The following HP1BP3 variants were observed in gnomAD, a reference collection of about 807,000 sequenced individuals.
HP1BP3 encodes heterochromatin protein 1-binding protein 3.
HP1BP3 carries 12 observed loss-of-function variants against 62.5 expected under a neutral mutation model. The ratio of observed to expected loss-of-function variants is 0.19; its 90% CI spans 0.12 to 0.31. HP1BP3 has a LOEUF of 0.31. HP1BP3 is among the 10% of genes least tolerant of loss of function. The probability of loss-of-function intolerance (pLI) is 1.00; values close to 1 mark genes in which losing one functional copy is unlikely to be tolerated. For missense variants in HP1BP3, 502 were observed against 651.8 expected (o/e 0.77, Z 2.50); for synonymous variants, 260 against 237.8 (o/e 1.09, Z -0.86).
Position 20,763,292 on chromosome 1 carries a change from G to A in HP1BP3, c.890+2085C>T, listed in dbSNP as rs973114161. ...TCCATCTTTAAATGCATCATATAAC[G>A]CATTTTTGATCCACAATTGTGTCTG... On this transcript the variant is annotated intron_variant, in intron 8 of 12. Coordinates refer to ENST00000438032, the MANE Select transcript of HP1BP3 (RefSeq NM_001372052.1). Among the ~76,000 whole-genome samples the A allele has an allele frequency of 7.2e-5, 11 of 152,124 alleles. No individual in the cohort carries two copies. In the East Asian group the frequency reaches 1.2e-3, roughly 16 times the overall value.
intron 8 of HP1BP3, among the ~76,000 whole-genome samples, chr1:20,763,626 C>A (rs1045715196): frequency 3.9e-5 from 6 of 152,216 alleles, no homozygotes; most frequent in Non-Finnish European, 7.3e-5. Context: ...AGTCATCTCA[C>A]ACAAACACTC....
At chr1:20,779,684 A>C in intron 3 of HP1BP3, 128 bp downstream of exon 3, 1 of 577,444 alleles carries the variant, frequency 1.7e-6, no homozygotes, top group South Asian at 2.2e-5. Context: ...GATTCTCTCT[A>C]AATGTTTCCC....
intron 6 of HP1BP3, 24 bp from the exon 7 acceptor site, chr1:20,767,688 T>C (rs754380626): frequency 1.4e-6 from 2 of 1,474,860 alleles, no homozygotes; most frequent in Non-Finnish European, 1.9e-6. Flanking sequence ...ATTTTTGTTA[T>C]TCTAGTATTC....
chr1:20,780,663 T>C lies in HP1BP3; in HGVS notation c.-100-123A>G, dbSNP rs184810339. 202 of 556,358 alleles carry C rather than the reference T, an allele frequency of 3.6e-4. 2 individuals are homozygous for C. In the East Asian group the frequency reaches 3.8e-3, roughly 10 times the overall value. 34.5% of individuals were successfully genotyped at this position (556,358 alleles called of 1,614,324 possible). A position where few individuals can be genotyped will look rare whatever the true frequency, so the allele number is the denominator to read the frequency against. On this transcript the variant is annotated intron_variant, in intron 1 of 12. Coordinates refer to ENST00000438032, the MANE Select transcript of HP1BP3 (RefSeq NM_001372052.1). ...ATAAAATTTATAGGTAAGTGACAGA[T>C]GATTTGGTTACTCAGAAAGATAAAA...
intron 1 of HP1BP3, among the ~76,000 whole-genome samples, chr1:20,783,327 T>G (rs931986998): frequency 6.6e-6 from 1 of 152,230 alleles, no homozygotes; most frequent in South Asian, 2.1e-4. Flanking sequence ...GAGACCAGCC[T>G]GGCCAACATG....
At chr1:20,761,599 G>A (rs1307445063) in intron 8 of HP1BP3, among the ~76,000 whole-genome samples, 4 of 152,110 alleles carry the variant, frequency 2.6e-5, no homozygotes, top group African/African-American at 7.2e-5. Context: ...ACAGGCATCC[G>A]TATACACGAA....
chr1:20,778,041 T>A (rs1324692038), intron 3 of HP1BP3, among the ~76,000 whole-genome samples: 2 of 152,238 alleles, frequency 1.3e-5, no homozygotes, highest in Admixed American at 1.3e-4. Context: ...TTGACCTAAA[T>A]GGCTGCATGG....
chr1:20,749,347 TTTTC>T (rs1256707959), intron 10 of HP1BP3, among the ~76,000 whole-genome samples: 2 of 149,122 alleles, frequency 1.3e-5, no homozygotes, highest in Non-Finnish European at 3.0e-5. Flanking sequence ...TATGATTTTT[TTTTC>T]TTTTCTTTTC....
At chr1:20,755,287 G>A in intron 9 of HP1BP3, 1 of 405,348 alleles carries the variant, frequency 2.5e-6, no homozygotes, top group South Asian at 1.7e-5. Flanking sequence ...TCGAGCCCTG[G>A]TCAGGTGTGG....
chr1:20,755,492 T>C, intron 9 of HP1BP3: 1 of 371,596 alleles, frequency 2.7e-6, no homozygotes, highest in South Asian at 1.9e-5. Flanking sequence ...GGAGGATTGC[T>C]TGAGCCAGGG....
intron 1 of HP1BP3, among the ~76,000 whole-genome samples, chr1:20,784,560 C>T (rs2154541834): frequency 6.7e-6 from 1 of 148,386 alleles, no homozygotes; most frequent in Non-Finnish European, 1.5e-5. Flanking sequence ...CTCACTGCAA[C>T]CTCCCCTCCC....
At chr1:20,765,198 T>G (rs1123942) in intron 8 of HP1BP3, among the ~76,000 whole-genome samples, 179 bp downstream of exon 8, 1 of 140,270 alleles carries the variant, frequency 7.1e-6, no homozygotes, top group Non-Finnish European at 1.6e-5. Flanking sequence ...AAAAAAAAAA[T>G]TATACATGGA....
chr1:20,779,217 T>C (rs1466322363), intron 3 of HP1BP3, among the ~76,000 whole-genome samples: 1 of 151,120 alleles, frequency 6.6e-6, no homozygotes, highest in Admixed American at 6.6e-5. Context: ...AGGGAAAAGA[T>C]AAGGAAAAAA....
chr1:20,767,522 G>T, intron 7 of HP1BP3, 62 bp downstream of exon 7: 1 of 1,049,456 alleles, frequency 9.5e-7, no homozygotes, highest in Non-Finnish European at 1.5e-6. Flanking sequence ...CTCAATGAAT[G>T]TTGCTATTTT....
intron 4 of HP1BP3, chr1:20,775,980 G>C (rs150563210): frequency 8.9e-5 from 126 of 1,417,178 alleles, no homozygotes; most frequent in African/African-American, 5.1e-4. Flanking sequence ...ATTATGAAAA[G>C]AGTGGAATGA....
intron 6 of HP1BP3, among the ~76,000 whole-genome samples, chr1:20,768,356 G>A (rs567840811): frequency 6.6e-6 from 1 of 152,304 alleles, no homozygotes; most frequent in East Asian, 1.9e-4. Flanking sequence ...TGAGGCAGGA[G>A]AATGGCGTGA....
chr1:20,785,663 G>C (rs1486603801), intron 1 of HP1BP3, among the ~76,000 whole-genome samples: 3 of 152,176 alleles, frequency 2.0e-5, no homozygotes, highest in African/African-American at 7.2e-5. Flanking sequence ...ACTGGGTAAG[G>C]AGTTAAAACT....
chr1:20,782,519 G>A (rs1040352649), intron 1 of HP1BP3, among the ~76,000 whole-genome samples: 9 of 151,796 alleles, frequency 5.9e-5, no homozygotes, highest in African/African-American at 1.7e-4. Context: ...AGAAGGTTTT[G>A]GATGCAGTAA....
chr1:20,780,349 C>T lies in HP1BP3; in HGVS notation c.92G>A (p.Gly31Asp), dbSNP rs745569894. 6.2e-7 allele frequency: 1 copy of T among 1,611,922 alleles called. No homozygotes were observed. The highest frequency in any genetic ancestry group is 8.5e-7 in the Non-Finnish European group (1 of 1,177,968). The part of the protein sequence containing the change: ...GAQLIHADKL[G>D]EKVEDSTMPI... ...CAAGAATGTGTCAGCCCCTACCTCA[C>T]CTAACTTGTCCGCGTGGATCAGCTG... Residue 31 changes from glycine to aspartate, a missense_variant, in exon 2 of 13, where the codon GGT becomes GAT. Coordinates refer to ENST00000438032, the MANE Select transcript of HP1BP3 (RefSeq NM_001372052.1).
Sources: allele counts gnomAD v4.1 joint callset (sites outside exome capture counted in the v4.1 genomes callset), GRCh38; gene constraint gnomAD v4.1.1; transcripts MANE v1.5; gene names NCBI Gene and HGNC (gene_info 2026-07-23, HGNC 2026-07-21).